Variants in SNTG1 observed in about 807,000 individuals in gnomAD.
The protein encoded by SNTG1 is syntrophin gamma 1, also known as gamma-1-syntrophin.
A neutral mutation model predicts 74.7 loss-of-function variants in SNTG1; 39 were observed. The observed-to-expected ratio is 0.52, with a 90% CI of 0.40 to 0.68. SNTG1 has a LOEUF of 0.68. Among genes scored for constraint, SNTG1 ranks in the 30% least tolerant of loss-of-function variants. SNTG1 has a pLI of 0.00. For synonymous variants in SNTG1, 254 were observed against 217.1 expected (o/e 1.17, Z -1.49); for missense variants, 685 against 609.5 (o/e 1.12, Z -1.30).
intron 8 of SNTG1, among the ~76,000 whole-genome samples, chr8:50,461,809 C>A (rs1436527020): frequency 6.6e-6 from 1 of 152,076 alleles, no homozygotes; most frequent in African/African-American, 2.4e-5. Flanking sequence ...ATATTTCCTG[C>A]CAGTCTAAGA....
chr8:50,129,606 A>G (rs1393044287), intron 1 of SNTG1, among the ~76,000 whole-genome samples: 2 of 152,106 alleles, frequency 1.3e-5, no homozygotes, highest in African/African-American at 4.8e-5. Flanking sequence ...GTCTTGGTGG[A>G]GAAATGGCTC....
Position 49,975,669 on chromosome 8 carries a change from A to G in SNTG1, c.-103+63438A>G, listed in dbSNP as rs1447286374. On this transcript the variant is annotated intron_variant, in intron 1 of 18. Coordinates refer to ENST00000642720, the MANE Select transcript of SNTG1 (RefSeq NM_018967.5). ...TATACACATAAATCATAGGTAGTCCACAAGAAGGGGACTCTTATTTTCAGT... is the reference window on the plus strand; with the variant it reads ...TATACACATAAATCATAGGTAGTCCGCAAGAAGGGGACTCTTATTTTCAGT... Among the ~76,000 whole-genome samples the G allele has an allele frequency of 3.3e-5, 5 of 152,248 alleles. No homozygotes were observed. In the South Asian group the frequency reaches 6.2e-4, roughly 19 times the overall value.
At chr8:50,701,910 GCA>G (rs2095427434) in intron 15 of SNTG1, among the ~76,000 whole-genome samples, 1 of 150,818 alleles carries the variant, frequency 6.6e-6, no homozygotes, top group Admixed American at 6.7e-5. Context: ...GAATGCAGTG[GCA>G]CAGTCTTGGC....
intron 1 of SNTG1, among the ~76,000 whole-genome samples, chr8:50,083,352 A>G (rs1381631588): frequency 3.9e-5 from 6 of 152,216 alleles, no homozygotes; most frequent in African/African-American, 1.4e-4. Flanking sequence ...CTTATATAAA[A>G]AGCTAAAGAG....
intron 1 of SNTG1, among the ~76,000 whole-genome samples, chr8:50,080,069 G>A (rs1822266668): frequency 6.6e-6 from 1 of 151,998 alleles, no homozygotes; most frequent in Non-Finnish European, 1.5e-5. Context: ...GGCCTTTGCT[G>A]TAATATAAAA....
At chr8:50,319,531 C>A (rs1027685046) in intron 2 of SNTG1, among the ~76,000 whole-genome samples, 3 of 152,132 alleles carry the variant, frequency 2.0e-5, no homozygotes, top group African/African-American at 7.2e-5. Context: ...AATTAGACAT[C>A]TTCCTTTTCA....
At chr8:50,698,249 T>G (rs1246279210) in intron 15 of SNTG1, among the ~76,000 whole-genome samples, 1 of 152,158 alleles carries the variant, frequency 6.6e-6, no homozygotes, top group Non-Finnish European at 1.5e-5. Flanking sequence ...AGCATAAGGG[T>G]GTGGACTCAG....
chr8:50,338,702 G>A (rs913357291), intron 2 of SNTG1, among the ~76,000 whole-genome samples: 3 of 152,058 alleles, frequency 2.0e-5, no homozygotes, highest in Non-Finnish European at 4.4e-5. Context: ...TGAGCTTGAA[G>A]ATACGTCTAT....
intron 8 of SNTG1, among the ~76,000 whole-genome samples, chr8:50,458,715 G>T (rs2093531564): frequency 1.3e-5 from 2 of 151,910 alleles, no homozygotes; most frequent in Non-Finnish European, 1.5e-5. Flanking sequence ...ATGACTAAAA[G>T]TATTGAACAT....
chr8:50,340,156 T>C (rs2091277188), intron 2 of SNTG1, among the ~76,000 whole-genome samples: 1 of 152,046 alleles, frequency 6.6e-6, no homozygotes, highest in Admixed American at 6.6e-5. Context: ...TAAATTTATA[T>C]ATAGTTTCAA....
intron 2 of SNTG1, among the ~76,000 whole-genome samples, chr8:50,175,194 G>C (rs1001274022): frequency 3.3e-5 from 5 of 152,084 alleles, no homozygotes; most frequent in African/African-American, 9.7e-5. Flanking sequence ...TGTCTTTATA[G>C]CAGCATGATT....
intron 1 of SNTG1, among the ~76,000 whole-genome samples, chr8:50,007,922 G>A (rs1276186583): frequency 6.6e-6 from 1 of 152,122 alleles, no homozygotes; most frequent in East Asian, 1.9e-4. Flanking sequence ...TACTTCACAA[G>A]GTGGCAGGAG....
chr8:50,770,068 G>T (rs2095623427), intron 18 of SNTG1, among the ~76,000 whole-genome samples: 1 of 152,004 alleles, frequency 6.6e-6, no homozygotes, highest in Non-Finnish European at 1.5e-5. Context: ...GAGAGTAAAG[G>T]ATCAAAACAA....
intron 2 of SNTG1, among the ~76,000 whole-genome samples, chr8:50,360,157 T>C (rs976360231): frequency 9.2e-5 from 14 of 152,102 alleles, no homozygotes; most frequent in Admixed American, 3.9e-4. Flanking sequence ...CTACAAATCA[T>C]TGTGTTCCTA....
Position 50,752,014 on chromosome 8 carries a change from G to A in SNTG1, c.1298G>A (p.Arg433Lys). The A allele has an allele frequency of 6.4e-7, 1 of 1,561,546 alleles. No individual in the cohort carries two copies. Among genetic ancestry groups the A allele is most frequent in the South Asian group, 1.2e-5 (1 of 82,066 alleles). Residue 433 changes from arginine to lysine, a missense_variant, in exon 18 of 19, where the codon AGG becomes AAG. Physicochemically the swap from Arg to Lys is conservative, Grantham distance 26. Transcript: ENST00000642720. ...FDAATKAVLWRYKFSQLKGSS... is the reference protein window; with the variant it reads ...FDAATKAVLWKYKFSQLKGSS... The stretch of plus-strand genomic sequence containing the variant: ...TCCCCCCTTTAGGCTGTCCTTTGGA[G>A]GTATAAATTCTCTCAGCTTAAAGGT...
In SNTG1 at chr8:50,122,102, C is replaced by T. The variant is rs139683892; in HGVS notation, c.-102-50459C>T. Among the ~76,000 whole-genome samples the T allele has an allele frequency of 2.1e-3, 293 of 140,848 alleles. 54 individuals are homozygous for T. Among genetic ancestry groups the T allele is most frequent in the East Asian group, 8.6e-3 (42 of 4,896 alleles). 92.4% of individuals were successfully genotyped at this position (140,848 alleles called of 152,430 possible). The stretch of plus-strand genomic sequence containing the variant: ...TGCCCCCTGCCTTGGTTTAGGGACC[C>T]CCAGTGTCCTCTGCCATACAGATAC... On this transcript the variant is annotated intron_variant, in intron 1 of 18. Transcript: ENST00000642720.
intron 13 of SNTG1, among the ~76,000 whole-genome samples, chr8:50,619,365 T>C (rs1178392692): frequency 6.6e-6 from 1 of 152,118 alleles, no homozygotes; most frequent in Admixed American, 6.5e-5. Context: ...TTCTGTTCAG[T>C]GTTGGGTGCT....
Position 50,530,155 on chromosome 8 carries a change from G to A in SNTG1, c.467-22G>A, listed in dbSNP as rs755412122. 7.5e-6 allele frequency: 12 copies of A among 1,608,064 alleles called. No homozygotes were observed. The Admixed American group carries it at 1.2e-4, about 16-fold the overall frequency. ...GTTATGGCATTCTCACCAGTGGAATGTTATGATTTTGTCTCCTGCAGGTGC... is the reference window on the plus strand; with the variant it reads ...GTTATGGCATTCTCACCAGTGGAATATTATGATTTTGTCTCCTGCAGGTGC... On this transcript the variant is annotated intron_variant, in intron 9 of 18. Coordinates refer to ENST00000642720, the MANE Select transcript of SNTG1 (RefSeq NM_018967.5).
chr8:50,348,256 G>A (rs1228899552), intron 2 of SNTG1, among the ~76,000 whole-genome samples: 1 of 152,116 alleles, frequency 6.6e-6, no homozygotes, highest in South Asian at 2.1e-4. Context: ...GGAATGAGGG[G>A]TGGTTGAGTG....
Sources: allele counts gnomAD v4.1 joint callset (sites outside exome capture counted in the v4.1 genomes callset), GRCh38; gene constraint gnomAD v4.1.1; transcripts MANE v1.5; gene names NCBI Gene and HGNC (gene_info 2026-07-23, HGNC 2026-07-21).